The following MYO3B variants were observed in gnomAD, a reference collection of about 807,000 sequenced individuals.
The protein encoded by MYO3B is myosin-IIIb.
A neutral mutation model predicts 174.6 loss-of-function variants in MYO3B; 156 were observed. That is an observed-to-expected ratio of 0.89 (90% CI 0.78 to 1.02). MYO3B has a LOEUF of 1.02. Among genes scored for constraint, MYO3B ranks in the 50% least tolerant of loss-of-function variants. The pLI is 0.00. For missense variants in MYO3B, 1,632 were observed against 1,639.4 expected, an observed-to-expected ratio of 1.00 and a Z score of 0.08; for synonymous variants, 563 against 569.1, an observed-to-expected ratio of 0.99 and a Z score of 0.15.
At chr2:170,514,356 A>T (rs190445114) in intron 28 of MYO3B, among the ~76,000 whole-genome samples, 16 of 152,346 alleles carry the variant, frequency 1.1e-4, no homozygotes, top group African/African-American at 2.9e-4. Context: ...GATATTCCTC[A>T]AGTGAATATA....
At chr2:170,649,189 T>TATATA (rs1553550833) in intron 32 of MYO3B, among the ~76,000 whole-genome samples, 1,007 of 33,346 alleles carry the variant, frequency 0.03, 203 homozygotes, top group Non-Finnish European at 0.036. Context: ...TATAAAATAA[T>TATATA]ATATATTATA....
rs1198877826 is a variant in MYO3B at position 170,550,366 on chromosome 2, A to G, written c.3733+6378A>G. On this transcript the variant is annotated intron_variant, in intron 32 of 34. Transcript: ENST00000408978. ...TTCACTGTGCTCTCCAGAATCACCT[A>G]GAATGCTAGTTAAGACAGACTGCTG... is the stretch of plus-strand genomic sequence containing the variant. 3.3e-5 allele frequency among the ~76,000 whole-genome samples: 5 copies of G among 152,242 alleles called. No individual in the cohort carries two copies. In the East Asian group the frequency reaches 9.6e-4, roughly 29 times the overall value.
chr2:170,457,848 G>C (rs183943280), intron 23 of MYO3B, among the ~76,000 whole-genome samples: 3 of 152,068 alleles, frequency 2.0e-5, no homozygotes, highest in African/African-American at 7.3e-5. Flanking sequence ...TCTGCCTCCC[G>C]GGTTCAAGCA....
intron 7 of MYO3B, among the ~76,000 whole-genome samples, chr2:170,319,918 G>A (rs2113649): frequency 0.17 from 26,143 of 152,010 alleles, 2,854 homozygotes; most frequent in African/African-American, 0.28. Flanking sequence ...TTTTTATGTA[G>A]CAAAATTATC....
intron 32 of MYO3B, among the ~76,000 whole-genome samples, chr2:170,637,432 C>T (rs1312118456): frequency 6.6e-6 from 1 of 152,072 alleles, no homozygotes; most frequent in Non-Finnish European, 1.5e-5. Context: ...CTCAGCCTCC[C>T]AAAGTGCTGG....
Position 170,543,958 on chromosome 2 carries a change from T to C in MYO3B, c.3703T>C (p.Leu1235=), listed in dbSNP as rs201863852. 1.7e-5 allele frequency: 27 copies of C among 1,613,298 alleles called. No homozygotes were observed. Among genetic ancestry groups the C allele is most frequent in the East Asian group, 4.5e-5 (2 of 44,840 alleles). ...CCATCCTGCTCCAGATCAGCAAGGATTGAGTCTCTGGGGAGCCCCTCAAAA... is the reference window on the plus strand; with the variant it reads ...CCATCCTGCTCCAGATCAGCAAGGACTGAGTCTCTGGGGAGCCCCTCAAAA... ...ICHPAPDQQG[L]SLWGAPQKPG... Residue 1235 remains leucine (L), a synonymous_variant, in exon 32 of 35, where the codon TTG becomes CTG. Coordinates refer to ENST00000408978, the MANE Select transcript of MYO3B (RefSeq NM_138995.5).
chr2:170,450,776 T>C (rs757415329), intron 23 of MYO3B, among the ~76,000 whole-genome samples: 1 of 152,230 alleles, frequency 6.6e-6, no homozygotes, highest in Non-Finnish European at 1.5e-5. Flanking sequence ...AAACTTCTTA[T>C]AACTCTTTAC....
chr2:170,466,463 G>T, intron 24 of MYO3B, 43 bp from the exon 25 acceptor site: 2 of 1,586,914 alleles, frequency 1.3e-6, no homozygotes, highest in Non-Finnish European at 1.7e-6. Flanking sequence ...TATCCATTGT[G>T]TTGGTGGTAA....
chr2:170,263,939 C>T (rs1467556311), intron 7 of MYO3B, among the ~76,000 whole-genome samples: 4 of 152,166 alleles, frequency 2.6e-5, no homozygotes, highest in Admixed American at 2.6e-4. Flanking sequence ...TGGGGGAAAC[C>T]TTGGACAATA....
rs10590784 is a variant in MYO3B at position 170,400,646 on chromosome 2, A to ACC, written c.1918+342_1918+343dup. Among the ~76,000 whole-genome samples the ACC allele has an allele frequency of 3.8e-3, 503 of 133,708 alleles. 6 individuals carry two copies. Among genetic ancestry groups the ACC allele is most frequent in the East Asian group, 4.9e-3 (19 of 3,876 alleles). 87.7% of individuals were successfully genotyped at this position (133,708 alleles called of 152,430 possible). ...TCTTGAACTCCTGACCTCATGATCC[A>ACC]CCCCCCCCCCCTCGGCCTCCCAAAG... On this transcript the variant is annotated intron_variant, in intron 17 of 34. Coordinates refer to ENST00000408978, the MANE Select transcript of MYO3B (RefSeq NM_138995.5).
At chr2:170,508,548 A>G (rs1259290143) in intron 28 of MYO3B, among the ~76,000 whole-genome samples, 1 of 152,244 alleles carries the variant, frequency 6.6e-6, no homozygotes, top group Non-Finnish European at 1.5e-5. Flanking sequence ...AACCAGGAGC[A>G]CAGAGAGTTA....
At position 170,198,955 on chromosome 2, in the gene MYO3B, G is replaced by A. The variant is rs561394409; in HGVS notation, c.3-253G>A. On this transcript the variant is annotated intron_variant, in intron 1 of 34. Coordinates refer to ENST00000408978, the MANE Select transcript of MYO3B (RefSeq NM_138995.5). ...TGGCTGTTTTACTCTCTCCTGTGGT[G>A]TGTACATAATTTCCATTTTTAGAAT... 3.9e-5 allele frequency among the ~76,000 whole-genome samples: 6 copies of A among 152,250 alleles called. No individual in the cohort carries two copies. The South Asian group carries it at 8.3e-4, about 21-fold the overall frequency.
intron 16 of MYO3B, 74 bp downstream of exon 16, chr2:170,392,569 C>A: frequency 1.0e-6 from 1 of 1,003,622 alleles, no homozygotes; most frequent in Non-Finnish European, 1.4e-6. Flanking sequence ...TGGTATTTCT[C>A]ACTTGGGATA....
At chr2:170,458,833 A>T (rs1684060879) in intron 23 of MYO3B, among the ~76,000 whole-genome samples, 1 of 152,252 alleles carries the variant, frequency 6.6e-6, no homozygotes, top group Non-Finnish European at 1.5e-5. Context: ...CAAATATACA[A>T]GAGATCCCTC....
chr2:170,459,836 A>T (rs1348323767), intron 23 of MYO3B, among the ~76,000 whole-genome samples: 1 of 151,792 alleles, frequency 6.6e-6, no homozygotes, highest in Non-Finnish European at 1.5e-5. Context: ...CAGGTGGGGG[A>T]CCTGGTGCAC....
chr2:170,594,696 C>T (rs902444295), intron 32 of MYO3B, among the ~76,000 whole-genome samples: 2 of 152,114 alleles, frequency 1.3e-5, no homozygotes, highest in African/African-American at 4.8e-5. Flanking sequence ...CAAGCTAAGA[C>T]TTACCCTTTG....
At chr2:170,646,685 C>T (rs1282382075) in intron 32 of MYO3B, among the ~76,000 whole-genome samples, 1 of 152,190 alleles carries the variant, frequency 6.6e-6, no homozygotes, top group Admixed American at 6.5e-5. Context: ...CGTGAGCCAC[C>T]GTGCCCAGCC....
rs116168853 is a variant in MYO3B, at chr2:170,397,926, A to G, written c.1792-2262A>G. On this transcript the variant is annotated intron_variant, in intron 16 of 34. Coordinates refer to ENST00000408978, the MANE Select transcript of MYO3B (RefSeq NM_138995.5). ...TTACTTACCATTACTGTTTTATTATATAGGATACAACTCTGCTGGGCGTGG... is the reference window on the plus strand; with the variant it reads ...TTACTTACCATTACTGTTTTATTATGTAGGATACAACTCTGCTGGGCGTGG... 2.0e-3 allele frequency among the ~76,000 whole-genome samples: 297 copies of G among 152,296 alleles called. 1 individual carries two copies. Among genetic ancestry groups the G allele is most frequent in the African/African-American group, 6.8e-3 (284 of 41,564 alleles).
chr2:170,178,264 C>A lies in MYO3B; in HGVS notation c.-24C>A. 6.2e-7 allele frequency: 1 copy of A among 1,614,110 alleles called. No homozygotes were observed. The highest frequency in any genetic ancestry group is 8.5e-7 in the Non-Finnish European group (1 of 1,179,964). On this transcript the variant is annotated 5_prime_UTR_variant, in exon 1 of 35. Transcript: ENST00000408978. ...GAATGAGAATCCAATCTCTCATAAG[C>A]CGGATTCAGAAAATAGGTCATCGAT...
Sources: gnomAD v4.1 joint callset for allele counts (sites outside exome capture counted in the v4.1 genomes callset) on GRCh38, gnomAD v4.1.1 for gene constraint, MANE v1.5 for transcripts, NCBI Gene and HGNC (gene_info 2026-07-23, HGNC 2026-07-21) for gene names.